The following PCID2 variants were observed in gnomAD, a reference collection of about 807,000 sequenced individuals.
PCID2 encodes PCI domain containing 2, also known as PCI domain-containing protein 2.
Under a neutral mutation model 61.3 loss-of-function variants are expected in PCID2, and 41 were observed. That is an observed-to-expected ratio of 0.67 (90% CI 0.52 to 0.87). The LOEUF (loss-of-function observed/expected upper bound fraction) is 0.87. PCID2 is among the 40% of genes least tolerant of loss of function. The pLI is 0.00. For synonymous variants in PCID2, 187 were observed against 177.8 expected, an observed-to-expected ratio of 1.05 and a Z score of -0.41; for missense variants, 392 against 493.4, an observed-to-expected ratio of 0.79 and a Z score of 1.95.
intron 1 of PCID2, chr13:113,208,331 G>C (rs1358135604): frequency 2.8e-5 from 40 of 1,432,756 alleles, no homozygotes; most frequent in Middle Eastern, 2.6e-4. Flanking sequence ...CAGCGACCTG[G>C]GACCGCCGCG....
intron 6 of PCID2, among the ~76,000 whole-genome samples, chr13:113,192,676 G>A (rs952325491): frequency 1.4e-4 from 21 of 152,160 alleles, no homozygotes; most frequent in Admixed American, 1.0e-3. Context: ...TTCTGATGAG[G>A]CCCCTGGAGA....
At chr13:113,197,558 A>G (rs994124945) in intron 3 of PCID2, among the ~76,000 whole-genome samples, 2 of 152,250 alleles carry the variant, frequency 1.3e-5, no homozygotes, top group Non-Finnish European at 2.9e-5. Context: ...CCAGCTGGGT[A>G]ATGTCAGTGT....
At chr13:113,182,356 C>T (rs1186687777) in intron 9 of PCID2, among the ~76,000 whole-genome samples, 1 of 152,196 alleles carries the variant, frequency 6.6e-6, no homozygotes, top group East Asian at 1.9e-4. Context: ...CCCTGTGGGG[C>T]TGAGACCAAA....
intron 9 of PCID2, among the ~76,000 whole-genome samples, chr13:113,182,106 T>C (rs541091038): frequency 1.8e-4 from 27 of 152,278 alleles, no homozygotes; most frequent in Non-Finnish European, 2.9e-4. Flanking sequence ...GTCCCAAATA[T>C]AAGAGAACAG....
intron 7 of PCID2, chr13:113,188,305 T>G (rs1224831960): frequency 6.6e-6 from 1 of 152,290 alleles, no homozygotes; most frequent in Non-Finnish European, 1.5e-5. Flanking sequence ...ACGAAAGTTC[T>G]GAAGCGAGGC....
intron 1 of PCID2, chr13:113,207,964 A>G (rs2040030798): frequency 6.9e-7 from 1 of 1,439,002 alleles, no homozygotes; most frequent in Non-Finnish European, 9.8e-7. Flanking sequence ...AGTTTAGTGG[A>G]AAGAATATGC....
the PCID2 span, among the ~76,000 whole-genome samples, chr13:113,171,145 A>G: frequency 2.0e-5 from 3 of 151,826 alleles, no homozygotes; most frequent in African/African-American, 7.3e-5. This position sits in a 1 kb window ranked among gnomAD's most constrained non-coding sequence, Gnocchi z 5.1. Context: ...GCTGGTCTTT[A>G]CTCCTGGCCT....
chr13:113,207,090 T>A (rs1019914700), intron 1 of PCID2, among the ~76,000 whole-genome samples: 23 of 152,252 alleles, frequency 1.5e-4, no homozygotes, highest in African/African-American at 5.3e-4. Context: ...GCCCAAGGTA[T>A]GATGACGACT....
chr13:113,168,908 A>C, the PCID2 span, among the ~76,000 whole-genome samples: 1 of 152,010 alleles, frequency 6.6e-6, no homozygotes, highest in Non-Finnish European at 1.5e-5. Context: ...TTTAAATTTC[A>C]TGTAGAGATG....
intron 6 of PCID2, 105 bp from the exon 7 acceptor site, chr13:113,191,080 C>T (rs1419714215): frequency 1.2e-5 from 8 of 662,348 alleles, no homozygotes; most frequent in Non-Finnish European, 2.0e-5. Flanking sequence ...GCAGCCTCAA[C>T]CTCCTGGGCT....
At chr13:113,173,689 A>C (rs2037149926), downstream of PCID2, among the ~76,000 whole-genome samples, 1 of 152,224 alleles carries the variant, frequency 6.6e-6, no homozygotes, top group African/African-American at 2.4e-5. Flanking sequence ...AATTTAAGGC[A>C]AATTAATGGG....
chr13:113,205,336 C>A (rs914772892), intron 1 of PCID2, among the ~76,000 whole-genome samples: 1 of 152,158 alleles, frequency 6.6e-6, no homozygotes, highest in African/African-American at 2.4e-5. Flanking sequence ...ACTCCGCACC[C>A]AGCAGGATGG....
intron 7 of PCID2, among the ~76,000 whole-genome samples, chr13:113,190,381 G>A (rs1229744306): frequency 6.6e-6 from 1 of 152,116 alleles, no homozygotes; most frequent in African/African-American, 2.4e-5. Flanking sequence ...CAGATGGAAT[G>A]ACATTTTTAA....
the PCID2 span, chr13:113,172,177 G>A: frequency 5.7e-6 from 9 of 1,571,898 alleles, no homozygotes; most frequent in Admixed American, 1.6e-4. Flanking sequence ...CCACTGTGGA[G>A]GGCGCTGAAA....
chr13:113,168,270 G>A, the PCID2 span, among the ~76,000 whole-genome samples: 1 of 152,194 alleles, frequency 6.6e-6, no homozygotes, highest in East Asian at 1.9e-4. Flanking sequence ...TTGCTGCTTT[G>A]TGTAAATCCA....
intron 9 of PCID2, chr13:113,183,654 G>T: frequency 2.2e-6 from 1 of 453,666 alleles, no homozygotes; most frequent in Non-Finnish European, 2.9e-6. Context: ...TTGGGACTGT[G>T]TGCTCCACAA....
At chr13:113,189,703 C>T (rs1369995669) in intron 7 of PCID2, among the ~76,000 whole-genome samples, 1 of 126,190 alleles carries the variant, frequency 7.9e-6, no homozygotes, top group Admixed American at 9.4e-5. Context: ...TACAAATTAC[C>T]TAAAATGAAG....
chr13:113,179,838 T>TA lies in PCID2; in HGVS notation c.986+78dup, dbSNP rs1566940400. On this transcript the variant is annotated intron_variant, in intron 12 of 13. Coordinates refer to ENST00000337344, the MANE Select transcript of PCID2 (RefSeq NM_001127202.4). The surrounding 1 kb of genome is among the most constrained non-coding windows in gnomAD (Gnocchi z 4.3). ...CCACCCACACGGTGGCCTTCTCTCT[T>TA]AGACTGCAACAGCCCTGGATGTCTG... 1.2e-5 allele frequency: 17 copies of TA among 1,459,350 alleles called. No individual in the cohort carries two copies. Among genetic ancestry groups the TA allele is most frequent in the South Asian group, 2.5e-5 (2 of 80,294 alleles). 90.4% of individuals were successfully genotyped at this position (1,459,350 alleles called of 1,614,324 possible). A position where few individuals can be genotyped will look rare whatever the true frequency, so the allele number is the denominator to read the frequency against.
the PCID2 span, chr13:113,170,530 TG>T: frequency 6.6e-7 from 1 of 1,522,628 alleles, no homozygotes; most frequent in Non-Finnish European, 9.1e-7. Context: ...TGTAAAAACA[TG>T]TAAGTATTTT....
Sources: gnomAD v4.1 joint callset for allele counts (sites outside exome capture counted in the v4.1 genomes callset) on GRCh38, gnomAD v4.1.1 for gene constraint, Gnocchi (gnomAD v3.1) non-coding constraint, MANE v1.5 for transcripts, NCBI Gene and HGNC (gene_info 2026-07-23, HGNC 2026-07-21) for gene names.